The following EFHC2 variants were observed in gnomAD, a reference collection of about 807,000 sequenced individuals.
EFHC2 encodes EF-hand domain containing 2.
In EFHC2, 18 loss-of-function variants were observed where a neutral mutation model predicts 52.7. The observed-to-expected ratio is 0.34, with a 90% CI of 0.24 to 0.51. The LOEUF (loss-of-function observed/expected upper bound fraction) is 0.51. Among genes scored for constraint, EFHC2 ranks in the 20% least tolerant of loss-of-function variants. The pLI is 0.97. For synonymous variants in EFHC2, 203 were observed against 204.1 expected, an observed-to-expected ratio of 0.99 and a Z score of 0.04; for missense variants, 513 against 562.5, an observed-to-expected ratio of 0.91 and a Z score of 0.89.
intron 14 of EFHC2, among the ~76,000 whole-genome samples, chrX:44,149,393 G>A (rs912487322): frequency 3.6e-5 from 4 of 112,295 alleles, no homozygotes; most frequent in African/African-American, 9.7e-5. Context: ...TGACCTACAT[G>A]CCCATAGACA....
intron 10 of EFHC2, among the ~76,000 whole-genome samples, chrX:44,231,770 TA>T (rs2037279595): frequency 8.9e-6 from 1 of 111,954 alleles, no homozygotes; most frequent in Non-Finnish European, 1.9e-5. Flanking sequence ...ACTTTTAAAA[TA>T]AAATTTTCCA....
At position 44,194,849 on chromosome X, in the gene EFHC2, G is replaced by T. The variant is rs2036950233; in HGVS notation, c.1752-16285C>A. Among the ~76,000 whole-genome samples the T allele has an allele frequency of 5.4e-5, 6 of 110,908 alleles. No individual in the cohort carries two copies. The Admixed American group carries it at 5.8e-4, about 11-fold the overall frequency. On this transcript the variant is annotated intron_variant, in intron 11 of 14. Coordinates refer to ENST00000420999, the MANE Select transcript of EFHC2 (RefSeq NM_025184.4). ...CAGGTTACAGAATGGTGACTCGCAG[G>T]GTCCAATTTGTACTGAGCTCATTTG... is the stretch of plus-strand genomic sequence containing the variant.
At chrX:44,301,353 C>A (rs2037868114) in intron 2 of EFHC2, among the ~76,000 whole-genome samples, 1 of 109,915 alleles carries the variant, frequency 9.1e-6, no homozygotes, top group Non-Finnish European at 1.9e-5. Context: ...ACTTAAAAAA[C>A]CCAATTCCTG....
intron 13 of EFHC2, among the ~76,000 whole-genome samples, chrX:44,175,421 C>T (rs2036778844): frequency 9.0e-6 from 1 of 111,392 alleles, no homozygotes. Context: ...ACATCCTAAT[C>T]TACTGGCTAT....
intron 8 of EFHC2, 114 bp downstream of exon 8, chrX:44,242,007 C>T (rs1411390866): frequency 2.7e-6 from 2 of 742,108 alleles, no homozygotes; most frequent in African/African-American, 4.4e-5. Flanking sequence ...ATAATGTCTC[C>T]CTGGACTTGC....
chrX:44,161,543 C>A, intron 14 of EFHC2, among the ~76,000 whole-genome samples: 1 of 111,728 alleles, frequency 9.0e-6, no homozygotes, highest in South Asian at 3.8e-4. Context: ...ACCCTCTACT[C>A]TCCTGCTGGT....
chrX:44,209,880 G>A (rs1440006135), intron 11 of EFHC2, among the ~76,000 whole-genome samples: 5 of 110,223 alleles, frequency 4.5e-5, no homozygotes, highest in South Asian at 7.9e-4. Flanking sequence ...CTGTGCATGC[G>A]AGGGATCTAG....
At chrX:44,186,990 A>C (rs191925796) in intron 11 of EFHC2, among the ~76,000 whole-genome samples, 29 of 106,607 alleles carry the variant, frequency 2.7e-4, no homozygotes, top group African/African-American at 9.7e-4. Flanking sequence ...ATGGTAGCAC[A>C]TGCCTGTAAT....
intron 1 of EFHC2, among the ~76,000 whole-genome samples, chrX:44,315,207 C>T (rs902432435): frequency 1.7e-4 from 19 of 111,252 alleles, no homozygotes; most frequent in African/African-American, 6.2e-4. Context: ...CCTTTGCCTT[C>T]CACCATGATT....
intron 10 of EFHC2, among the ~76,000 whole-genome samples, chrX:44,232,201 C>T (rs1398332197): frequency 8.9e-6 from 1 of 112,236 alleles, no homozygotes; most frequent in Non-Finnish European, 1.9e-5. Context: ...CAGCAGAAAA[C>T]CCAGGAAACT....
intron 1 of EFHC2, among the ~76,000 whole-genome samples, chrX:44,336,341 C>T (rs1330947914): frequency 9.3e-6 from 1 of 107,353 alleles, no homozygotes; most frequent in African/African-American, 3.4e-5. Context: ...GAGCCAAGAT[C>T]GCGCCACTAC....
chrX:44,292,157 T>C (rs775865996), intron 2 of EFHC2, among the ~76,000 whole-genome samples: 37 of 111,620 alleles, frequency 3.3e-4, no homozygotes, highest in Non-Finnish European at 5.8e-4. Flanking sequence ...TGTGTATATA[T>C]ATACATATAT....
At chrX:44,184,517 G>A (rs1456572038) in intron 11 of EFHC2, among the ~76,000 whole-genome samples, 1 of 111,092 alleles carries the variant, frequency 9.0e-6, no homozygotes, top group Non-Finnish European at 1.9e-5. Context: ...GAGGTCAGGG[G>A]TTCGAGATCA....
At position 44,229,615 on chromosome X, in the gene EFHC2, G is replaced by A. The variant is rs878900376; in HGVS notation, c.1751+34C>T. ...TCTGTTCTTTGGACAACCTTGAGGG[G>A]AAAACAGGTGATTGTTAGCAGAATA... On this transcript the variant is annotated intron_variant, in intron 11 of 14. Transcript: ENST00000420999. The A allele has an allele frequency of 5.0e-6, 6 of 1,205,614 alleles. No homozygotes were observed. In the Admixed American group the frequency reaches 1.3e-4, roughly 26 times the overall value.
chrX:44,314,415 A>G (rs1007946443), intron 1 of EFHC2, among the ~76,000 whole-genome samples: 3 of 112,446 alleles, frequency 2.7e-5, no homozygotes, highest in African/African-American at 9.7e-5. Context: ...GCCTGGAAGA[A>G]TGAGGAAGGC....
intron 2 of EFHC2, among the ~76,000 whole-genome samples, chrX:44,302,846 T>C (rs151142065): frequency 0.034 from 3,776 of 112,032 alleles, 59 homozygotes; most frequent in South Asian, 0.11. Flanking sequence ...ATTTCGGGTA[T>C]GGTTTAATGG....
At chrX:44,232,308 C>T (rs983098753) in intron 10 of EFHC2, among the ~76,000 whole-genome samples, 173 bp downstream of exon 10, 7 of 112,117 alleles carry the variant, frequency 6.2e-5, no homozygotes, top group Non-Finnish European at 1.9e-5. Context: ...AAGAACCTGG[C>T]CTCTGTGATG....
intron 1 of EFHC2, among the ~76,000 whole-genome samples, chrX:44,330,234 C>T: frequency 9.1e-6 from 1 of 110,247 alleles, no homozygotes; most frequent in Non-Finnish European, 1.9e-5. Context: ...CCAGCCTGGG[C>T]AACAAAGTAA....
intron 3 of EFHC2, among the ~76,000 whole-genome samples, chrX:44,261,596 C>T (rs1041513021): frequency 9.2e-6 from 1 of 108,948 alleles, no homozygotes; most frequent in Non-Finnish European, 1.9e-5. Context: ...GGACAGGGGA[C>T]ATAAGCAGAA....
Sources: allele counts gnomAD v4.1 joint callset (sites outside exome capture counted in the v4.1 genomes callset), GRCh38; gene constraint gnomAD v4.1.1; transcripts MANE v1.5; gene names NCBI Gene and HGNC (gene_info 2026-07-23, HGNC 2026-07-21).